Variants in LRP4 observed in about 807,000 individuals in gnomAD.
LRP4 encodes the protein LDL receptor related protein 4, also known as low-density lipoprotein receptor-related protein 4.
A neutral mutation model predicts 220.3 loss-of-function variants in LRP4; 95 were observed. The observed-to-expected ratio is 0.43, with a 90% CI of 0.37 to 0.51. The LOEUF (loss-of-function observed/expected upper bound fraction) is 0.51. Among genes scored for constraint, LRP4 ranks in the 20% least tolerant of loss-of-function variants. The probability of loss-of-function intolerance (pLI) is 0.00; values close to 1 mark genes in which losing one functional copy is unlikely to be tolerated. For synonymous variants in LRP4, 903 were observed against 954.6 expected (o/e 0.95, Z 1.00); for missense variants, 1,925 against 2,567.0 (o/e 0.75, Z 5.40).
At position 46,858,226 on chromosome 11, in the gene LRP4, A is replaced by G. The variant is rs1304439249; in HGVS notation, c.*757T>C. On this transcript the variant is annotated 3_prime_UTR_variant, in exon 38 of 38. Coordinates refer to ENST00000378623, the MANE Select transcript of LRP4 (RefSeq NM_002334.4). ...GTGGTGGCACCAGGAGGGAATTCCT[A>G]TTAGCCAGTAGCCTTGTGATAGGGG... 6.5e-6 allele frequency: 1 copy of G among 153,872 alleles called. No individual in the cohort carries two copies. The highest frequency in any genetic ancestry group is 1.4e-5 in the Non-Finnish European group (1 of 69,226). The allele number at this position is 153,872 out of a possible 1,614,324, so 9.5% of individuals were successfully genotyped here. A position where few individuals can be genotyped will look rare whatever the true frequency, so the allele number is the denominator to read the frequency against.
rs770406349 is a variant in LRP4, at chr11:46,864,466, G to T, written c.5225C>A (p.Ala1742Glu). 6.2e-7 allele frequency: 1 copy of T among 1,613,434 alleles called. No individual in the cohort carries two copies. Among genetic ancestry groups the T allele is most frequent in the South Asian group, 1.1e-5 (1 of 91,062 alleles). Residue 1742 changes from alanine to glutamate, a missense_variant, in exon 36 of 38, where the codon GCA (alanine) becomes GAA (glutamate). Around this residue, in one of 3 missense-constraint regions of LRP4, gnomAD observed 1,244 missense variants for 1,624.9 expected, o/e 0.77. Transcript: ENST00000378623. Reference sequence around the variant, plus strand: ...AAGTTACCTGTACAGCATCAAAGCTGCAATCACCACCAAAATCAGCAGAAT... The same window carrying T: ...AAGTTACCTGTACAGCATCAAAGCTTCAATCACCACCAAAATCAGCAGAAT... ...LSILLILVVI[A>E]ALMLYRHKKS...
intron 9 of LRP4, 28 bp downstream of exon 9, chr11:46,896,182 G>T (rs373931459): frequency 1.9e-6 from 3 of 1,612,864 alleles, no homozygotes. Context: ...CAAACCATGG[G>T]CCAGGTCCGC....
chr11:46,875,879 G>T lies in LRP4; in HGVS notation c.3624C>A (p.Asn1208Lys). The change falls in exon 26 of 38, where the codon AAC becomes AAA. Residue 1208 changes from asparagine (N) to lysine (K), a missense_variant. Asn to Lys is a moderately conservative substitution (Grantham distance 94). Coordinates refer to ENST00000378623, the MANE Select transcript of LRP4 (RefSeq NM_002334.4). This position sits in a 1 kb window ranked among gnomAD's most constrained non-coding sequence, Gnocchi z 4.5. ...DGSDRAVLIN[N>K]NLGWPNGLTV... ...TCAGTCCATTGGGCCATCCTAGGTT[G>T]TTGTTGATGAGCACCGCGCGGTCTG... 6.2e-7 allele frequency: 1 copy of T among 1,614,168 alleles called. No individual in the cohort carries two copies. Among genetic ancestry groups the T allele is most frequent in the South Asian group, 1.1e-5 (1 of 91,074 alleles).
At chr11:46,913,402 G>A (rs1017002713) in intron 1 of LRP4, among the ~76,000 whole-genome samples, 1 of 152,074 alleles carries the variant, frequency 6.6e-6, no homozygotes. Context: ...AACTTAAAAA[G>A]AAGAAACAAA....
chr11:46,916,660 C>T (rs1170718545), intron 1 of LRP4, among the ~76,000 whole-genome samples: 2 of 152,002 alleles, frequency 1.3e-5, no homozygotes, highest in Non-Finnish European at 2.9e-5. Context: ...CAGAAGGCGA[C>T]AATCTCCTCT....
intron 13 of LRP4, among the ~76,000 whole-genome samples, chr11:46,891,454 C>G (rs1034263382): frequency 6.7e-6 from 1 of 149,006 alleles, no homozygotes; most frequent in Admixed American, 6.7e-5. Context: ...CACACACACA[C>G]ACACACACAC....
chr11:46,903,458 C>T (rs1941706221), intron 1 of LRP4, among the ~76,000 whole-genome samples: 2 of 152,030 alleles, frequency 1.3e-5, no homozygotes. Flanking sequence ...CACACCACTG[C>T]ACTCCAGCAG....
chr11:46,871,695 C>G (rs981590645), intron 30 of LRP4, 62 bp from the exon 31 acceptor site: 18 of 1,120,182 alleles, frequency 1.6e-5, no homozygotes, highest in Non-Finnish European at 2.3e-5. Flanking sequence ...AGCTCTTCCC[C>G]CTATGAACCT....
At chr11:46,880,934 C>T (rs1402073164) in intron 20 of LRP4, among the ~76,000 whole-genome samples, 2 of 151,514 alleles carry the variant, frequency 1.3e-5, no homozygotes, top group Non-Finnish European at 2.9e-5. Context: ...ACTAGCCAGG[C>T]GTTATGGCTC....
chr11:46,899,750 G>T lies in LRP4; in HGVS notation c.430+113C>A. The T allele has an allele frequency of 1.1e-6, 1 of 950,944 alleles. No individual in the cohort carries two copies. The highest frequency in any genetic ancestry group is 1.7e-6 in the Non-Finnish European group (1 of 586,918). The allele number at this position is 950,944 out of a possible 1,614,324, so 58.9% of individuals were successfully genotyped here. A position where few individuals can be genotyped will look rare whatever the true frequency, so the allele number is the denominator to read the frequency against. On this transcript the variant is annotated intron_variant, in intron 4 of 37. Transcript: ENST00000378623. The surrounding 1 kb of genome is among the most constrained non-coding windows in gnomAD (Gnocchi z 5.9). ...CCTCTGCGTTCCTCTAGCTGCTCCA[G>T]ATATCTGGGCAGTTGGAGGTTTGGC...
At position 46,879,167 on chromosome 11, in the gene LRP4, T is replaced by C; in HGVS notation, c.2963A>G (p.Asn988Ser). 1 of 1,614,122 alleles carries C rather than the reference T, an allele frequency of 6.2e-7. No homozygotes were observed. Among genetic ancestry groups the C allele is most frequent in the Non-Finnish European group, 8.5e-7 (1 of 1,180,016 alleles). The part of the protein sequence containing the change: ...DRETLQENLE[N>S]LMDIHVFHRR... ...GTGGAAGACATGGATGTCCATTAGG[T>C]TTTCCAGGTTCTCCTGCAGAGTCTC... is the stretch of plus-strand genomic sequence containing the variant. The change falls in exon 21 of 38, where the codon AAC (asparagine) becomes AGC (serine). Residue 988 changes from asparagine (N) to serine (S), a missense_variant. Coordinates refer to ENST00000378623, the MANE Select transcript of LRP4 (RefSeq NM_002334.4).
At chr11:46,914,517 C>G (rs185078843) in intron 1 of LRP4, among the ~76,000 whole-genome samples, 1 of 152,332 alleles carries the variant, frequency 6.6e-6, no homozygotes, top group Non-Finnish European at 1.5e-5. Context: ...AACTCAGGCT[C>G]TGCCAGCTAA....
intron 34 of LRP4, among the ~76,000 whole-genome samples, chr11:46,865,643 G>A (rs1381644845): frequency 6.6e-6 from 1 of 152,128 alleles, no homozygotes; most frequent in East Asian, 1.9e-4. Flanking sequence ...ACATCCAGAG[G>A]GAGTGCTCAG....
rs1941042624 is a variant in LRP4, at chr11:46,877,191, A to C, written c.3277+8T>G. ...GAAGGCCAGGTGGGAAGAGAGGGCC[A>C]TACAGACCTTCCTGGGGGTCTACTC... On this transcript the variant is annotated splice_region_variant and intron_variant, in intron 23 of 37. Transcript: ENST00000378623. 6.2e-7 allele frequency: 1 copy of C among 1,613,670 alleles called. No individual in the cohort carries two copies. The highest frequency in any genetic ancestry group is 8.5e-7 in the Non-Finnish European group (1 of 1,179,776).
intron 28 of LRP4, 67 bp downstream of exon 28, chr11:46,874,733 C>A (rs1940963301): frequency 6.9e-7 from 1 of 1,444,118 alleles, no homozygotes; most frequent in Non-Finnish European, 9.7e-7. Flanking sequence ...GTGGTCAGAA[C>A]ACAACCTCAC....
intron 1 of LRP4, among the ~76,000 whole-genome samples, chr11:46,906,724 G>T (rs1290597353): frequency 6.6e-6 from 1 of 152,122 alleles, no homozygotes; most frequent in East Asian, 1.9e-4. Context: ...AGCTCCGTTT[G>T]TTTTTTTAGG....
chr11:46,864,480 A>G lies in LRP4; in HGVS notation c.5211T>C (p.Ile1737=), dbSNP rs1319980149. 6.2e-7 allele frequency: 1 copy of G among 1,613,766 alleles called. No individual in the cohort carries two copies. Among genetic ancestry groups the G allele is most frequent in the African/African-American group, 1.3e-5 (1 of 74,908 alleles). The stretch of plus-strand genomic sequence containing the variant: ...GCATCAAAGCTGCAATCACCACCAA[A>G]ATCAGCAGAATACTGAGGAGTCCAC... ...AIGGLLSILL[I]LVVIAALMLY... Residue 1737 remains isoleucine (I), a synonymous_variant, in exon 36 of 38, where the codon ATT becomes ATC. Coordinates refer to ENST00000378623, the MANE Select transcript of LRP4 (RefSeq NM_002334.4).
intron 35 of LRP4, 122 bp downstream of exon 35, chr11:46,864,997 T>C (rs1200064370): frequency 4.8e-6 from 4 of 841,278 alleles, no homozygotes; most frequent in Non-Finnish European, 8.0e-6. Flanking sequence ...ATTATTTCTA[T>C]GGACTTAGTT....
rs751655683 is a variant in LRP4, at chr11:46,875,759, C to T, written c.3699+45G>A. On this transcript the variant is annotated intron_variant, in intron 26 of 37. Coordinates refer to ENST00000378623, the MANE Select transcript of LRP4 (RefSeq NM_002334.4). This position sits in a 1 kb window ranked among gnomAD's most constrained non-coding sequence, Gnocchi z 4.5. Reference sequence around the variant, plus strand: ...CATGGAGATCCTAGGCAGGCCTTTCCCATCTTCCCAGGCTCCTGGGAAGCA... The same window carrying T: ...CATGGAGATCCTAGGCAGGCCTTTCTCATCTTCCCAGGCTCCTGGGAAGCA... 15 of 1,613,686 alleles carry T rather than the reference C, an allele frequency of 9.3e-6. No individual in the cohort carries two copies. The highest frequency in any genetic ancestry group is 1.3e-5 in the Non-Finnish European group (15 of 1,179,836).
Sources: allele counts gnomAD v4.1 joint callset (sites outside exome capture counted in the v4.1 genomes callset), GRCh38; gene constraint gnomAD v4.1.1; regional missense constraint gnomAD v4.1.1; non-coding constraint Gnocchi (gnomAD v3.1); transcripts MANE v1.5; gene names NCBI Gene and HGNC (gene_info 2026-07-23, HGNC 2026-07-21).